DNER: variants seen among roughly 807,000 people sequenced by gnomAD.
The protein encoded by DNER is delta and Notch-like epidermal growth factor-related receptor.
Under a neutral mutation model 78.2 loss-of-function variants are expected in DNER, and 33 were observed. The observed-to-expected ratio is 0.42, with a 90% CI of 0.32 to 0.56. The LOEUF is 0.56. Ranked by LOEUF, DNER falls within the 20% of genes least tolerant of loss-of-function variation. DNER has a pLI of 0.11. For missense variants in DNER, 918 were observed against 975.3 expected, an observed-to-expected ratio of 0.94 and a Z score of 0.78; for synonymous variants, 417 against 384.8, an observed-to-expected ratio of 1.08 and a Z score of -0.98.
rs752786455 is a variant in DNER at position 229,547,011 on chromosome 2, C to G, written c.929G>C (p.Gly310Ala). The change falls in exon 5 of 13, where the codon GGG becomes GCG. Residue 310 changes from glycine to alanine, a missense_variant. Transcript: ENST00000341772. ...LVVKVSTCVP[G>A]ESHANDLECS... ...CTCCAAGTCATTTGCGTGACTCTCC[C>G]CCGGCACACAGGTGCTGACCTTCAC... 1 of 1,614,170 alleles carries G rather than the reference C, an allele frequency of 6.2e-7. No individual in the cohort carries two copies. The highest frequency in any genetic ancestry group is 1.1e-5 in the South Asian group (1 of 91,086).
chr2:229,512,766 A>G lies in DNER; in HGVS notation c.1147+17T>C, dbSNP rs752401467. On this transcript the variant is annotated intron_variant, in intron 6 of 12. Coordinates refer to ENST00000341772, the MANE Select transcript of DNER (RefSeq NM_139072.4). ...CAGACATACACCTAATAACTGAACC[A>G]TGAGTATGTGTCGTACCAGGAAGGC... 3 of 1,613,866 alleles carry G rather than the reference A, an allele frequency of 1.9e-6. No homozygotes were observed. Among genetic ancestry groups the G allele is most frequent in the African/African-American group, 2.7e-5 (2 of 74,934 alleles).
chr2:229,468,644 G>C (rs752072535), intron 7 of DNER, among the ~76,000 whole-genome samples: 18 of 152,172 alleles, frequency 1.2e-4, no homozygotes, highest in Non-Finnish European at 2.2e-4. Context: ...AAATATCAGA[G>C]ATACTGAATT....
intron 6 of DNER, among the ~76,000 whole-genome samples, chr2:229,509,075 T>A (rs1337251992): frequency 6.6e-6 from 1 of 152,216 alleles, no homozygotes; most frequent in Non-Finnish European, 1.5e-5. Flanking sequence ...GTTTCACTGG[T>A]GCTTAGCAAA....
intron 8 of DNER, among the ~76,000 whole-genome samples, chr2:229,438,593 A>T (rs1401864436): frequency 6.6e-6 from 1 of 152,228 alleles, no homozygotes; most frequent in African/African-American, 2.4e-5. Flanking sequence ...AAGCTTTCAT[A>T]GATAGTCGCT....
At chr2:229,684,484 T>C (rs922583861) in intron 1 of DNER, among the ~76,000 whole-genome samples, 2 of 152,080 alleles carry the variant, frequency 1.3e-5, no homozygotes, top group South Asian at 2.1e-4. Context: ...ATCCTTTCTC[T>C]TTCCATTTCC....
intron 1 of DNER, among the ~76,000 whole-genome samples, chr2:229,682,898 C>G (rs1699410847): frequency 6.6e-6 from 1 of 152,030 alleles, no homozygotes; most frequent in Admixed American, 6.6e-5. Flanking sequence ...CAGTGAGAAC[C>G]ACAGCAAGAA....
intron 1 of DNER, among the ~76,000 whole-genome samples, chr2:229,648,241 C>T (rs1239727450): frequency 6.6e-6 from 1 of 152,120 alleles, no homozygotes; most frequent in African/African-American, 2.4e-5. Context: ...GGGACTGTAC[C>T]AGGATCATGT....
rs1279086316 is a variant in DNER at position 229,513,680 on chromosome 2, G to A, written c.994-744C>T. On this transcript the variant is annotated intron_variant, in intron 5 of 12. Transcript: ENST00000341772. ...AATAAACCACAAATCTGTCCCCAAA[G>A]CCTACACAAAGCAATATAGATCATT... Among the ~76,000 whole-genome samples, 3 of 152,188 alleles carry A rather than the reference G, an allele frequency of 2.0e-5. No homozygotes were observed. In the East Asian group the frequency reaches 5.8e-4, roughly 29 times the overall value.
At chr2:229,447,291 T>G in intron 8 of DNER, 25 bp downstream of exon 8, 1 of 1,552,520 alleles carries the variant, frequency 6.4e-7, no homozygotes, top group Non-Finnish European at 8.7e-7. Context: ...AAAAGGAAGA[T>G]GTACTGTGTA....
At chr2:229,615,713 A>G (rs1698146264) in intron 1 of DNER, among the ~76,000 whole-genome samples, 1 of 152,010 alleles carries the variant, frequency 6.6e-6, no homozygotes, top group South Asian at 2.1e-4. Context: ...CTCTGTCTCA[A>G]ACAAAAAAAA....
At chr2:229,431,843 G>A (rs932492008) in intron 8 of DNER, among the ~76,000 whole-genome samples, 13 of 151,888 alleles carry the variant, frequency 8.6e-5, no homozygotes, top group African/African-American at 2.9e-4. Context: ...AGATGGCACA[G>A]AGGGATGCAA....
intron 1 of DNER, among the ~76,000 whole-genome samples, chr2:229,595,923 T>A (rs560757956): frequency 1.3e-5 from 2 of 152,306 alleles, no homozygotes; most frequent in Admixed American, 6.5e-5. Context: ...TCAGGGAGTA[T>A]GTGTGCAGGT....
chr2:229,645,692 G>A (rs144697468), intron 1 of DNER, among the ~76,000 whole-genome samples: 46 of 152,210 alleles, frequency 3.0e-4, no homozygotes, highest in African/African-American at 1.0e-3. Flanking sequence ...GAGAATTAAC[G>A]TCATCTGGCC....
chr2:229,691,980 T>G lies in DNER; in HGVS notation c.276+22168A>C, dbSNP rs1699584218. 2.6e-5 allele frequency among the ~76,000 whole-genome samples: 4 copies of G among 152,164 alleles called. No individual in the cohort carries two copies. The South Asian group carries it at 8.3e-4, about 32-fold the overall frequency. On this transcript the variant is annotated intron_variant, in intron 1 of 12. Coordinates refer to ENST00000341772, the MANE Select transcript of DNER (RefSeq NM_139072.4). ...TATGAATAGTGTGAACCTGGAGCTG[T>G]CAGAAGTCACTATTCAGAATCTGAG...
Position 229,358,446 on chromosome 2 carries a change from G to T in DNER, c.*94C>A, listed in dbSNP as rs1037379923. ...ATATTCTACTGAAAACTCTTGAGCA[G>T]CTAGCATTTTAAATTTCTTAAGCTT... On this transcript the variant is annotated 3_prime_UTR_variant, in exon 13 of 13. Transcript: ENST00000341772. 3.0e-6 allele frequency: 3 copies of T among 994,068 alleles called. No individual in the cohort carries two copies. Among genetic ancestry groups the T allele is most frequent in the Admixed American group, 3.1e-5 (1 of 32,356 alleles). The allele number at this position is 994,068 out of a possible 1,614,324, so 61.6% of individuals were successfully genotyped here.
chr2:229,663,174 C>G (rs2154216624), intron 1 of DNER, among the ~76,000 whole-genome samples: 1 of 152,274 alleles, frequency 6.6e-6, no homozygotes, highest in African/African-American at 2.4e-5. Context: ...AAATTCACAT[C>G]AATTTTAATT....
chr2:229,677,728 G>A (rs1307962859), intron 1 of DNER, among the ~76,000 whole-genome samples: 2 of 152,128 alleles, frequency 1.3e-5, no homozygotes, highest in Admixed American at 6.5e-5. Context: ...GCAGGTGAAA[G>A]ACAAAAATTT....
chr2:229,503,838 T>C (rs150460352), intron 6 of DNER, among the ~76,000 whole-genome samples: 17,110 of 152,070 alleles, frequency 0.11, 1,992 homozygotes, highest in African/African-American at 0.29. Context: ...GCCTCCTGGG[T>C]TCAAGTGATC....
In DNER at chr2:229,503,511, C is replaced by T. The variant is rs191802521; in HGVS notation, c.1147+9272G>A. On this transcript the variant is annotated intron_variant, in intron 6 of 12. Coordinates refer to ENST00000341772, the MANE Select transcript of DNER (RefSeq NM_139072.4). ...CTCGAAAGAGTCTCAGAGCAAGAGA[C>T]GACATTGTCTCAGCTCAATTATAAC... Among the ~76,000 whole-genome samples, 43 of 152,282 alleles carry T rather than the reference C, an allele frequency of 2.8e-4. 1 individual carries two copies. The highest frequency in any genetic ancestry group is 9.9e-4 in the African/African-American group (41 of 41,550).
Sources: gnomAD v4.1 joint callset for allele counts (sites outside exome capture counted in the v4.1 genomes callset) on GRCh38, gnomAD v4.1.1 for gene constraint, MANE v1.5 for transcripts, NCBI Gene and HGNC (gene_info 2026-07-23, HGNC 2026-07-21) for gene names.